Variants in ERBB4 observed in about 807,000 individuals in gnomAD.
ERBB4 encodes erb-b2 receptor tyrosine kinase 4.
Under a neutral mutation model 158.0 loss-of-function variants are expected in ERBB4, and 42 were observed. The observed-to-expected ratio is 0.27, with a 90% CI of 0.21 to 0.34. The LOEUF (loss-of-function observed/expected upper bound fraction) is 0.34, where lower values mean the gene tolerates loss of function less well. Ranked by LOEUF, ERBB4 falls within the 10% of genes least tolerant of loss-of-function variation. The pLI is 1.00. For missense variants in ERBB4, 1,333 were observed against 1,624.1 expected, an observed-to-expected ratio of 0.82 and a Z score of 3.08; for synonymous variants, 583 against 558.7, an observed-to-expected ratio of 1.04 and a Z score of -0.61.
intron 1 of ERBB4, among the ~76,000 whole-genome samples, chr2:212,129,178 T>C (rs2080032553): frequency 6.6e-6 from 1 of 151,652 alleles, no homozygotes; most frequent in African/African-American, 2.4e-5. Context: ...TTGCAACCTA[T>C]ATATAATTTA....
At chr2:211,879,207 C>T (rs979960319) in intron 3 of ERBB4, among the ~76,000 whole-genome samples, 1 of 151,088 alleles carries the variant, frequency 6.6e-6, no homozygotes, top group Non-Finnish European at 1.5e-5. Context: ...AAAAAAAAGA[C>T]AACATAAAAC....
chr2:211,438,339 A>T (rs1334687217), intron 20 of ERBB4, among the ~76,000 whole-genome samples: 3 of 152,208 alleles, frequency 2.0e-5, no homozygotes, highest in African/African-American at 7.2e-5. Flanking sequence ...TCAAATATTT[A>T]GTGAGAGTTG....
At chr2:211,403,285 G>A (rs1483916719) in intron 25 of ERBB4, among the ~76,000 whole-genome samples, 1 of 152,106 alleles carries the variant, frequency 6.6e-6, no homozygotes, top group Non-Finnish European at 1.5e-5. Context: ...TCTATTCCAT[G>A]ATTCAACTCA....
chr2:211,512,148 T>C (rs543890577), intron 20 of ERBB4, among the ~76,000 whole-genome samples: 1 of 152,278 alleles, frequency 6.6e-6, no homozygotes, highest in Non-Finnish European at 1.5e-5. Flanking sequence ...TTTGGAACTT[T>C]CACTGACTCT....
intron 1 of ERBB4, among the ~76,000 whole-genome samples, chr2:212,261,612 C>A (rs2084947304): frequency 6.6e-6 from 1 of 151,984 alleles, no homozygotes; most frequent in African/African-American, 2.4e-5. Context: ...GAGATAAAGG[C>A]AAAGACAATC....
At chr2:211,793,672 T>C (rs1190787509) in intron 3 of ERBB4, among the ~76,000 whole-genome samples, 2 of 151,944 alleles carry the variant, frequency 1.3e-5, no homozygotes, top group Non-Finnish European at 2.9e-5. Flanking sequence ...ATCATCCACC[T>C]ATGATACTTA....
At chr2:211,390,150 C>T (rs966810407) in intron 25 of ERBB4, among the ~76,000 whole-genome samples, 3 of 152,180 alleles carry the variant, frequency 2.0e-5, no homozygotes, top group Non-Finnish European at 4.4e-5. Context: ...AAACACTGGC[C>T]TTACCCTCAT....
chr2:212,135,779 T>C (rs893373712), intron 1 of ERBB4, among the ~76,000 whole-genome samples: 2 of 152,300 alleles, frequency 1.3e-5, no homozygotes, highest in South Asian at 2.1e-4. Context: ...CCTGTGAAAG[T>C]GCTAGGTCCT....
chr2:211,662,613 A>G (rs2071471004), intron 15 of ERBB4, among the ~76,000 whole-genome samples: 1 of 152,216 alleles, frequency 6.6e-6, no homozygotes, highest in Admixed American at 6.5e-5. Context: ...AATAAAAATT[A>G]TCTAGTCAAG....
chr2:212,290,878 T>C (rs949495815), intron 1 of ERBB4, among the ~76,000 whole-genome samples: 2 of 152,090 alleles, frequency 1.3e-5, no homozygotes, highest in South Asian at 2.1e-4. Context: ...TCTATTCTCA[T>C]TGGGCTTATA....
intron 3 of ERBB4, among the ~76,000 whole-genome samples, chr2:211,837,608 T>A (rs1220390056): frequency 6.6e-6 from 1 of 152,100 alleles, no homozygotes; most frequent in Non-Finnish European, 1.5e-5. Flanking sequence ...TGAATCTCCT[T>A]CTCACTAACT....
chr2:212,148,546 G>A (rs1478463318), intron 1 of ERBB4, among the ~76,000 whole-genome samples: 1 of 152,146 alleles, frequency 6.6e-6, no homozygotes. Context: ...TGGGAGAAAT[G>A]TGGAGAGATG....
chr2:211,825,716 G>A (rs2105954729), intron 3 of ERBB4, among the ~76,000 whole-genome samples: 1 of 149,068 alleles, frequency 6.7e-6, no homozygotes, highest in South Asian at 2.1e-4. Flanking sequence ...AATTAAATAT[G>A]ATGTTTAAAA....
chr2:212,441,835 A>G (rs2092261058), intron 1 of ERBB4, among the ~76,000 whole-genome samples: 1 of 152,196 alleles, frequency 6.6e-6, no homozygotes, highest in African/African-American at 2.4e-5. Context: ...GGAGACTGGG[A>G]TGGTGGCGTG....
At chr2:211,556,670 T>C (rs1041189677) in intron 20 of ERBB4, among the ~76,000 whole-genome samples, 5 of 151,902 alleles carry the variant, frequency 3.3e-5, no homozygotes, top group African/African-American at 1.2e-4. Context: ...ACTGAAACCA[T>C]AACAAACACT....
chr2:211,811,341 C>T (rs1486974648), intron 3 of ERBB4, among the ~76,000 whole-genome samples: 2 of 152,098 alleles, frequency 1.3e-5, no homozygotes, highest in African/African-American at 4.8e-5. Flanking sequence ...AAATATCGGC[C>T]CCCACTCTCT....
rs1232197385 is a variant in ERBB4, at chr2:211,937,743, A to G, written c.421+9687T>C. 2.0e-5 allele frequency among the ~76,000 whole-genome samples: 3 copies of G among 152,220 alleles called. No individual in the cohort carries two copies. The East Asian group carries it at 5.8e-4, about 29-fold the overall frequency. ...TCACTATCATGAGAACAGGAAGGGG[A>G]AAACCAACCCCATGATTCAATTATC... On this transcript the variant is annotated intron_variant, in intron 3 of 27. Transcript: ENST00000342788.
chr2:212,040,391 C>T lies in ERBB4; in HGVS notation c.234+84361G>A, dbSNP rs553438316. Among the ~76,000 whole-genome samples, 12 of 151,660 alleles carry T rather than the reference C, an allele frequency of 7.9e-5. 1 individual carries two copies. The East Asian group carries it at 2.3e-3, about 29-fold the overall frequency. ...TTCCTCATTTATGTGGTTTATTTCA[C>T]CTTATAACACAAGCTGATATGAACA... is the stretch of plus-strand genomic sequence containing the variant. On this transcript the variant is annotated intron_variant, in intron 2 of 27. Coordinates refer to ENST00000342788, the MANE Select transcript of ERBB4 (RefSeq NM_005235.3).
At chr2:212,191,672 TCG>T (rs2082218905) in intron 1 of ERBB4, among the ~76,000 whole-genome samples, 6 of 147,304 alleles carry the variant, frequency 4.1e-5, no homozygotes, top group Admixed American at 6.8e-5. Flanking sequence ...ATGTCATATA[TCG>T]CGTGTGTTAT....
Sources: gnomAD v4.1 joint callset for allele counts (sites outside exome capture counted in the v4.1 genomes callset) on GRCh38, gnomAD v4.1.1 for gene constraint, MANE v1.5 for transcripts, NCBI Gene and HGNC (gene_info 2026-07-23, HGNC 2026-07-21) for gene names.